The following OLA1 variants were observed in gnomAD, a reference collection of about 807,000 sequenced individuals.
OLA1 encodes Obg like ATPase 1, also known as obg-like ATPase 1.
Under a neutral mutation model 48.4 loss-of-function variants are expected in OLA1, and 14 were observed. The ratio of observed to expected loss-of-function variants is 0.29; its 90% CI spans 0.19 to 0.45. The LOEUF (loss-of-function observed/expected upper bound fraction) is 0.45, where lower values mean the gene tolerates loss of function less well. Among genes scored for constraint, OLA1 ranks in the 20% least tolerant of loss-of-function variants. The pLI is 1.00. For missense variants in OLA1, 325 were observed against 467.1 expected, an observed-to-expected ratio of 0.70 and a Z score of 2.80; for synonymous variants, 127 against 150.4, an observed-to-expected ratio of 0.84 and a Z score of 1.14.
At chr2:174,167,386 A>T (rs915477227) in intron 4 of OLA1, among the ~76,000 whole-genome samples, 5 of 152,162 alleles carry the variant, frequency 3.3e-5, no homozygotes, top group African/African-American at 1.2e-4. Context: ...GACCAGGCTG[A>T]CCAACATGGT....
intron 2 of OLA1, among the ~76,000 whole-genome samples, chr2:174,239,714 C>CAAAAA (rs35332033): frequency 1.7e-4 from 10 of 60,602 alleles, no homozygotes; most frequent in South Asian, 6.4e-4. Flanking sequence ...CCCATCTCTA[C>CAAAAA]AAAAAAAAAA....
At chr2:174,150,382 T>C (rs1416425510) in intron 4 of OLA1, among the ~76,000 whole-genome samples, 2 of 152,254 alleles carry the variant, frequency 1.3e-5, no homozygotes, top group African/African-American at 2.4e-5. Context: ...GCTGAGCTTG[T>C]ACTTTCCAGG....
intron 5 of OLA1, among the ~76,000 whole-genome samples, chr2:174,132,426 TAAG>T (rs990798645): frequency 6.6e-6 from 1 of 152,102 alleles, no homozygotes; most frequent in African/African-American, 2.4e-5. Context: ...AACTCCTTCA[TAAG>T]AATACTTTCA....
intron 4 of OLA1, among the ~76,000 whole-genome samples, chr2:174,182,102 A>G (rs1439500411): frequency 6.6e-6 from 1 of 152,214 alleles, no homozygotes; most frequent in Non-Finnish European, 1.5e-5. Flanking sequence ...GAAGAACTAA[A>G]AATCTGAAAT....
chr2:174,180,416 A>T (rs907020578), intron 4 of OLA1, among the ~76,000 whole-genome samples: 5 of 152,156 alleles, frequency 3.3e-5, no homozygotes, highest in African/African-American at 1.2e-4. Context: ...TCTGAGTACA[A>T]ATTTGTTGTA....
At chr2:174,186,225 T>C (rs1178386380) in intron 4 of OLA1, among the ~76,000 whole-genome samples, 1 of 152,218 alleles carries the variant, frequency 6.6e-6, no homozygotes, top group Non-Finnish European at 1.5e-5. Context: ...AGATTTCTGC[T>C]TGTAGGATGA....
At chr2:174,144,949 A>ATATATAT (rs1328085797) in intron 4 of OLA1, among the ~76,000 whole-genome samples, 45 of 57,082 alleles carry the variant, frequency 7.9e-4, no homozygotes, top group East Asian at 3.2e-3. Flanking sequence ...AAAAAAAAAA[A>ATATATAT]AAATATATAT....
intron 7 of OLA1, among the ~76,000 whole-genome samples, chr2:174,100,881 T>C (rs1299511611): frequency 2.6e-5 from 4 of 152,244 alleles, no homozygotes; most frequent in Non-Finnish European, 5.9e-5. Flanking sequence ...GTGAGGTGTA[T>C]GATTTCCACA....
chr2:174,165,538 C>T (rs749101557), intron 4 of OLA1, among the ~76,000 whole-genome samples: 27 of 152,170 alleles, frequency 1.8e-4, no homozygotes, highest in Admixed American at 2.0e-4. Context: ...TGGTATAGAA[C>T]GAATGTTGAT....
At chr2:174,197,426 TTTG>T (rs1030353266) in intron 4 of OLA1, among the ~76,000 whole-genome samples, 4 of 105,084 alleles carry the variant, frequency 3.8e-5, no homozygotes, top group African/African-American at 1.5e-4. Flanking sequence ...ATGTTGTTGG[TTTG>T]TTGTTTTTTT....
chr2:174,193,857 C>A (rs952561508), intron 4 of OLA1, among the ~76,000 whole-genome samples: 2 of 152,138 alleles, frequency 1.3e-5, no homozygotes, highest in African/African-American at 4.8e-5. Flanking sequence ...GGGCCCAGAT[C>A]AATCCTCTGT....
chr2:174,213,512 G>C (rs1470798902), intron 4 of OLA1, among the ~76,000 whole-genome samples: 1 of 151,946 alleles, frequency 6.6e-6, no homozygotes, highest in Non-Finnish European at 1.5e-5. Flanking sequence ...AAAGGCTAAG[G>C]ATTTGGTGAA....
At chr2:174,114,333 C>T (rs9808204) in intron 7 of OLA1, among the ~76,000 whole-genome samples, 1 of 94,012 alleles carries the variant, frequency 1.1e-5, no homozygotes, top group African/African-American at 4.6e-5. Flanking sequence ...CAGAGCAAGA[C>T]TCCGCCTCAA....
intron 4 of OLA1, among the ~76,000 whole-genome samples, chr2:174,185,484 C>T (rs1423101718): frequency 6.6e-6 from 1 of 152,038 alleles, no homozygotes; most frequent in Non-Finnish European, 1.5e-5. Flanking sequence ...CATTCGAATA[C>T]TTATTTTTTG....
chr2:174,120,957 C>A (rs1685901404), intron 7 of OLA1, among the ~76,000 whole-genome samples: 1 of 152,094 alleles, frequency 6.6e-6, no homozygotes, highest in Non-Finnish European at 1.5e-5. Flanking sequence ...ACATGTTAAT[C>A]TTAAAAAACA....
intron 4 of OLA1, among the ~76,000 whole-genome samples, chr2:174,209,263 T>G (rs958693750): frequency 2.0e-5 from 3 of 152,204 alleles, no homozygotes; most frequent in African/African-American, 7.2e-5. Context: ...TACATTCTAC[T>G]ACTCATAAAA....
At chr2:174,078,887 T>A in intron 10 of OLA1, 81 bp downstream of exon 10, 1 of 1,407,944 alleles carries the variant, frequency 7.1e-7, no homozygotes, top group South Asian at 1.4e-5. Context: ...GTTTAAAAGA[T>A]AATTATCATT....
chr2:174,127,681 C>T (rs1302302314), intron 5 of OLA1, among the ~76,000 whole-genome samples: 1 of 152,026 alleles, frequency 6.6e-6, no homozygotes, highest in East Asian at 1.9e-4. Context: ...ATCCAAAAAT[C>T]CAAGAACCAT....
chr2:174,137,273 T>C (rs576749947), intron 5 of OLA1, among the ~76,000 whole-genome samples: 8 of 152,318 alleles, frequency 5.3e-5, no homozygotes, highest in Non-Finnish European at 8.8e-5. Flanking sequence ...TTCTGAGCAG[T>C]AGGTCTCAAG....
Sources: allele counts gnomAD v4.1 joint callset (sites outside exome capture counted in the v4.1 genomes callset), GRCh38; gene constraint gnomAD v4.1.1; transcripts MANE v1.5; gene names NCBI Gene and HGNC (gene_info 2026-07-23, HGNC 2026-07-21).